The following AKAP12 variants were observed in gnomAD, a reference collection of about 807,000 sequenced individuals.
AKAP12 encodes the protein A-kinase anchoring protein 12, also known as A-kinase anchor protein 12.
In AKAP12, 32 loss-of-function variants were observed where a neutral mutation model predicts 79.9. That is an observed-to-expected ratio of 0.40 (90% confidence interval 0.30 to 0.54). AKAP12 has a LOEUF of 0.54. AKAP12 is among the 20% of genes least tolerant of loss of function. The pLI, the probability that AKAP12 is intolerant of heterozygous loss-of-function variation, is 0.48. For missense variants in AKAP12, 2,074 were observed against 2,177.0 expected, an observed-to-expected ratio of 0.95 and a Z score of 0.94; for synonymous variants, 808 against 857.0, an observed-to-expected ratio of 0.94 and a Z score of 1.00.
chr6:151,344,265 G>T (rs182073747), intron 3 of AKAP12, among the ~76,000 whole-genome samples: 1 of 152,254 alleles, frequency 6.6e-6, no homozygotes. Context: ...CAGAAAAAAT[G>T]AGCCTTGCTG....
intron 2 of AKAP12, among the ~76,000 whole-genome samples, chr6:151,303,091 G>T (rs866792897): frequency 1.3e-5 from 2 of 152,164 alleles, no homozygotes; most frequent in Admixed American, 1.3e-4. Flanking sequence ...TACTCGGGAG[G>T]CTGAGGCAGA....
intron 3 of AKAP12, among the ~76,000 whole-genome samples, chr6:151,332,352 A>G (rs1233017326): frequency 6.6e-6 from 1 of 152,108 alleles, no homozygotes; most frequent in East Asian, 1.9e-4. Context: ...TGCATCTTAT[A>G]TGCACTATAT....
intron 2 of AKAP12, among the ~76,000 whole-genome samples, chr6:151,284,043 C>T (rs527473793): frequency 4.6e-5 from 7 of 152,266 alleles, no homozygotes; most frequent in South Asian, 2.1e-4. Flanking sequence ...TCTGATAAAG[C>T]GAGCAAGTCT....
chr6:151,323,947 AC>A, intron 3 of AKAP12: 1 of 985,210 alleles, frequency 1.0e-6, no homozygotes, highest in Non-Finnish European at 1.2e-6. Flanking sequence ...TGGGGAAGGG[AC>A]TTATTAATGT....
chr6:151,335,255 C>A (rs1777783062), intron 3 of AKAP12, among the ~76,000 whole-genome samples: 1 of 152,088 alleles, frequency 6.6e-6, no homozygotes, highest in Admixed American at 6.5e-5. Context: ...AAGTCTTCTA[C>A]AATTTATACT....
intron 2 of AKAP12, among the ~76,000 whole-genome samples, chr6:151,302,401 C>A (rs1374293333): frequency 6.6e-6 from 1 of 151,970 alleles, no homozygotes; most frequent in Non-Finnish European, 1.5e-5. Context: ...CTCAAGCAAT[C>A]CTCCTGCCTC....
intron 2 of AKAP12, among the ~76,000 whole-genome samples, chr6:151,305,171 T>TG (rs944612353): frequency 9.5e-6 from 1 of 105,578 alleles, no homozygotes; most frequent in Non-Finnish European, 1.7e-5. Flanking sequence ...TCAGGGCTGT[T>TG]TTTTTTTTTT....
chr6:151,337,939 A>G (rs1777858132), intron 3 of AKAP12, among the ~76,000 whole-genome samples: 1 of 152,076 alleles, frequency 6.6e-6, no homozygotes, highest in Admixed American at 6.5e-5. Context: ...CGGGAGGCTG[A>G]GGCTGGAGAA....
At chr6:151,346,034 A>T (rs144662441) in intron 3 of AKAP12, among the ~76,000 whole-genome samples, 197 of 151,678 alleles carry the variant, frequency 1.3e-3, no homozygotes, top group African/African-American at 4.5e-3. Flanking sequence ...TGCTTTTTGC[A>T]GTCAAATCTC....
intron 3 of AKAP12, among the ~76,000 whole-genome samples, chr6:151,337,224 G>T (rs1582890886): frequency 6.6e-6 from 1 of 151,776 alleles, no homozygotes; most frequent in East Asian, 1.9e-4. Flanking sequence ...ATAACTTCAG[G>T]CCAGGTCCGG....
At chr6:151,328,721 A>G (rs1193566437) in intron 3 of AKAP12, among the ~76,000 whole-genome samples, 1 of 152,170 alleles carries the variant, frequency 6.6e-6, no homozygotes, top group African/African-American at 2.4e-5. Context: ...TCACTTAAAT[A>G]CTATAGAAGG....
chr6:151,322,205 A>G (rs962438293), intron 3 of AKAP12, among the ~76,000 whole-genome samples: 3 of 150,748 alleles, frequency 2.0e-5, no homozygotes, highest in African/African-American at 7.3e-5. Context: ...ACCGCGCCCA[A>G]CCTGTTGTCT....
intron 2 of AKAP12, among the ~76,000 whole-genome samples, chr6:151,258,950 T>G (rs1582837857): frequency 7.3e-6 from 1 of 137,576 alleles, no homozygotes; most frequent in Admixed American, 7.2e-5. Context: ...GTGTGTGTGT[T>G]TATATACACA....
intron 2 of AKAP12, among the ~76,000 whole-genome samples, chr6:151,289,856 G>C (rs998461214): frequency 6.6e-6 from 1 of 152,164 alleles, no homozygotes; most frequent in Non-Finnish European, 1.5e-5. Context: ...TTGGCTCTTA[G>C]CTCATTCAAA....
At chr6:151,329,157 C>T (rs1258106105) in intron 3 of AKAP12, among the ~76,000 whole-genome samples, 1 of 152,156 alleles carries the variant, frequency 6.6e-6, no homozygotes, top group African/African-American at 2.4e-5. Flanking sequence ...CTCTGTCACC[C>T]AGGCTGGAGT....
intron 3 of AKAP12, among the ~76,000 whole-genome samples, chr6:151,328,185 G>A (rs998346965): frequency 1.3e-5 from 2 of 151,328 alleles, no homozygotes; most frequent in Non-Finnish European, 2.9e-5. Flanking sequence ...AAAATTAGCC[G>A]GGTGTGGTGG....
chr6:151,320,691 T>A (rs975644380), intron 3 of AKAP12, among the ~76,000 whole-genome samples: 5 of 152,174 alleles, frequency 3.3e-5, no homozygotes, highest in African/African-American at 1.2e-4. Context: ...CACTACTGCA[T>A]CCATCTGTTT....
intron 3 of AKAP12, among the ~76,000 whole-genome samples, chr6:151,328,608 G>A (rs1777593372): frequency 6.7e-6 from 1 of 148,160 alleles, no homozygotes; most frequent in South Asian, 2.1e-4. Context: ...CTGCACTCCA[G>A]CCTGGGTGAC....
intron 3 of AKAP12, among the ~76,000 whole-genome samples, chr6:151,326,318 C>T (rs1777525008): frequency 6.6e-6 from 1 of 151,988 alleles, no homozygotes; most frequent in South Asian, 2.1e-4. Context: ...CTCTTCTGGG[C>T]AAATTACAAG....
Sources: allele counts gnomAD v4.1 joint callset (sites outside exome capture counted in the v4.1 genomes callset), GRCh38; gene constraint gnomAD v4.1.1; transcripts MANE v1.5; gene names NCBI Gene and HGNC (gene_info 2026-07-23, HGNC 2026-07-21).